Variants in TGFBRAP1 observed in about 807,000 individuals in gnomAD.
TGFBRAP1 encodes the protein transforming growth factor-beta receptor-associated protein 1.
A neutral mutation model predicts 83.2 loss-of-function variants in TGFBRAP1; 20 were observed. That is an observed-to-expected ratio of 0.24 (90% CI 0.17 to 0.35). The LOEUF (loss-of-function observed/expected upper bound fraction) is 0.35. TGFBRAP1 is among the 10% of genes least tolerant of loss of function. The probability of loss-of-function intolerance (pLI) is 1.00; values close to 1 mark genes in which losing one functional copy is unlikely to be tolerated. For missense variants in TGFBRAP1, 950 were observed against 1,099.4 expected, an observed-to-expected ratio of 0.86 and a Z score of 1.92; for synonymous variants, 415 against 459.8, an observed-to-expected ratio of 0.90 and a Z score of 1.25.
chr2:105,326,246 G>T (rs982100565), intron 1 of TGFBRAP1, among the ~76,000 whole-genome samples: 1 of 152,044 alleles, frequency 6.6e-6, no homozygotes, highest in Non-Finnish European at 1.5e-5. Context: ...ATGCATAAGG[G>T]TGTATGTGTG....
chr2:105,284,084 T>G (rs1249237798), intron 5 of TGFBRAP1, among the ~76,000 whole-genome samples: 1 of 152,094 alleles, frequency 6.6e-6, no homozygotes, highest in Non-Finnish European at 1.5e-5. Context: ...TCTGTGCCCT[T>G]TGTCTGCTCC....
intron 10 of TGFBRAP1, among the ~76,000 whole-genome samples, chr2:105,271,035 G>A (rs917916741): frequency 5.9e-5 from 9 of 152,316 alleles, no homozygotes; most frequent in African/African-American, 1.9e-4. Context: ...TACCCCCATT[G>A]CCTGAAAGCT....
At chr2:105,317,294 G>T (rs1406995232) in intron 1 of TGFBRAP1, among the ~76,000 whole-genome samples, 5 of 152,130 alleles carry the variant, frequency 3.3e-5, no homozygotes, top group Non-Finnish European at 7.4e-5. Flanking sequence ...AAAATTAGCT[G>T]GGCATGGTGG....
chr2:105,273,826 C>A, intron 8 of TGFBRAP1, 136 bp from the exon 9 acceptor site: 1 of 1,097,678 alleles, frequency 9.1e-7, no homozygotes. Flanking sequence ...GTATGCACAG[C>A]TTTTTGTATG....
At chr2:105,290,616 A>AGAGTGT (rs1677875902) in intron 4 of TGFBRAP1, among the ~76,000 whole-genome samples, 1 of 139,986 alleles carries the variant, frequency 7.1e-6, no homozygotes, top group Non-Finnish European at 1.6e-5. Flanking sequence ...ACAGAGAGAC[A>AGAGTGT]GTGTGTGTGT....
chr2:105,261,478 A>T (rs961863557), downstream of TGFBRAP1, among the ~76,000 whole-genome samples: 1 of 152,208 alleles, frequency 6.6e-6, no homozygotes, highest in African/African-American at 2.4e-5. Flanking sequence ...GGAGCCGGGC[A>T]CAGTGGCTCA....
In TGFBRAP1 at chr2:105,277,748, A is replaced by G. The variant is rs1023451280; in HGVS notation, c.1464-77T>C. On this transcript the variant is annotated intron_variant, in intron 6 of 11. Coordinates refer to ENST00000393359, the MANE Select transcript of TGFBRAP1 (RefSeq NM_004257.6). ...GCGACCTTCACACAGTGACACCCCC[A>G]GTCCAAGCTCCCCATATTCTATTCA... 11 of 1,313,040 alleles carry G rather than the reference A, an allele frequency of 8.4e-6. No homozygotes were observed. In the African/African-American group the frequency reaches 1.6e-4, roughly 19 times the overall value. The allele number at this position is 1,313,040 out of a possible 1,614,324, so 81.3% of individuals were successfully genotyped here.
intron 7 of TGFBRAP1, 45 bp from the exon 8 acceptor site, chr2:105,275,748 C>A: frequency 6.4e-7 from 1 of 1,571,746 alleles, no homozygotes; most frequent in Non-Finnish European, 8.6e-7. Flanking sequence ...AAAGAAAAAA[C>A]AATCATAAAG....
intron 4 of TGFBRAP1, among the ~76,000 whole-genome samples, chr2:105,295,245 A>G (rs1287950536): frequency 6.6e-6 from 1 of 152,226 alleles, no homozygotes; most frequent in Non-Finnish European, 1.5e-5. Context: ...CCTTTTCTGC[A>G]TAAAGCACCT....
rs1558650088 is a variant in TGFBRAP1 at position 105,308,177 on chromosome 2, T to C, written c.125A>G (p.Asn42Ser). 2 of 1,614,106 alleles carry C rather than the reference T, an allele frequency of 1.2e-6. No individual in the cohort carries two copies. Among genetic ancestry groups the C allele is most frequent in the Non-Finnish European group, 1.7e-6 (2 of 1,180,056 alleles). ...CCGRDLYVGT[N>S]DCFVYHFLLE... ...CAGGAAGTGGTAGACGAAGCAGTCGTTGGTGCCCACGTAGAGGTCCCTGCC... is the reference window on the plus strand; with the variant it reads ...CAGGAAGTGGTAGACGAAGCAGTCGCTGGTGCCCACGTAGAGGTCCCTGCC... Residue 42 changes from asparagine to serine, a missense_variant, in exon 2 of 12, where the codon AAC becomes AGC. Coordinates refer to ENST00000393359, the MANE Select transcript of TGFBRAP1 (RefSeq NM_004257.6).
intron 11 of TGFBRAP1, among the ~76,000 whole-genome samples, chr2:105,268,373 G>A (rs1677021585): frequency 6.6e-6 from 1 of 152,172 alleles, no homozygotes; most frequent in African/African-American, 2.4e-5. Flanking sequence ...CGAACACCAA[G>A]TAAAAGTGGG....
intron 2 of TGFBRAP1, among the ~76,000 whole-genome samples, chr2:105,302,187 T>C (rs552203313): frequency 2.0e-5 from 3 of 152,140 alleles, no homozygotes; most frequent in Non-Finnish European, 2.9e-5. Flanking sequence ...ACACACAAGT[T>C]TGGACAACAT....
chr2:105,326,726 G>GA (rs1054124954), intron 1 of TGFBRAP1, among the ~76,000 whole-genome samples: 38 of 148,314 alleles, frequency 2.6e-4, no homozygotes, highest in Admixed American at 8.0e-4. Flanking sequence ...CTCAAAAAAA[G>GA]AAAAAAAAAA....
At chr2:105,299,091 GGCAACATGGCAAAACCTCA>G (rs1305233151) in intron 2 of TGFBRAP1, among the ~76,000 whole-genome samples, 1 of 151,890 alleles carries the variant, frequency 6.6e-6, no homozygotes, top group East Asian at 1.9e-4. Context: ...GACTAGCCTG[GGCAACATGGCAAAACCTCA>G]CCCTTACAAA....
intron 5 of TGFBRAP1, among the ~76,000 whole-genome samples, chr2:105,283,196 C>T (rs1357349917): frequency 1.3e-5 from 2 of 152,318 alleles, no homozygotes; most frequent in East Asian, 3.9e-4. Flanking sequence ...GAACAGAGAA[C>T]AGCATGTAAG....
At chr2:105,258,584 A>T in the TGFBRAP1 span, among the ~76,000 whole-genome samples, 1 of 151,946 alleles carries the variant, frequency 6.6e-6, no homozygotes, top group East Asian at 1.9e-4. Context: ...AGGCCTTCAG[A>T]CTTGGACTGA....
intron 7 of TGFBRAP1, among the ~76,000 whole-genome samples, chr2:105,277,227 A>G (rs1383674786): frequency 6.6e-6 from 1 of 152,206 alleles, no homozygotes; most frequent in Non-Finnish European, 1.5e-5. Context: ...CAAGGATAAT[A>G]ATGTACCCAG....
chr2:105,293,436 G>A (rs1677980884), intron 4 of TGFBRAP1, among the ~76,000 whole-genome samples: 1 of 152,156 alleles, frequency 6.6e-6, no homozygotes. Context: ...CAAACTTCTT[G>A]ACAAACCCCT....
chr2:105,320,396 A>C (rs1032703001), intron 1 of TGFBRAP1, among the ~76,000 whole-genome samples: 5 of 152,112 alleles, frequency 3.3e-5, no homozygotes, highest in Non-Finnish European at 7.4e-5. Flanking sequence ...TACAGCAAGA[A>C]GTTTTTTTTT....
Sources: gnomAD v4.1 joint callset for allele counts (sites outside exome capture counted in the v4.1 genomes callset) on GRCh38, gnomAD v4.1.1 for gene constraint, MANE v1.5 for transcripts, NCBI Gene and HGNC (gene_info 2026-07-23, HGNC 2026-07-21) for gene names.